Variants in GMCL1 observed in about 807,000 individuals in gnomAD.
GMCL1 encodes the protein germ cell-less protein-like 1.
GMCL1 carries 54 observed loss-of-function variants against 75.5 expected under a neutral mutation model. The observed-to-expected ratio is 0.71, with a 90% CI of 0.57 to 0.90. The LOEUF (loss-of-function observed/expected upper bound fraction) is 0.90, where lower values mean the gene tolerates loss of function less well. Among genes scored for constraint, GMCL1 ranks in the 40% least tolerant of loss-of-function variants. The pLI is 0.00. For missense variants in GMCL1, 537 were observed against 622.7 expected (o/e 0.86, Z 1.47); for synonymous variants, 210 against 209.6 (o/e 1.00, Z -0.02).
At position 69,880,121 on chromosome 2, in the gene GMCL1, T is replaced by C. The variant is rs1383630441; in HGVS notation, c.*1117T>C. ...TGTTGACCTTTTGTGTTTATTACTGTTTTGAAAATAGCCATGTTCATTTTC... is the reference window on the plus strand; with the variant it reads ...TGTTGACCTTTTGTGTTTATTACTGCTTTGAAAATAGCCATGTTCATTTTC... On this transcript the variant is annotated 3_prime_UTR_variant, in exon 14 of 14. Transcript: ENST00000282570. 3 of 152,240 alleles carry C rather than the reference T, an allele frequency of 2.0e-5. No individual in the cohort carries two copies. The highest frequency in any genetic ancestry group is 7.2e-5 in the African/African-American group (3 of 41,470). 9.4% of individuals were successfully genotyped at this position (152,240 alleles called of 1,614,324 possible).
intron 1 of GMCL1, among the ~76,000 whole-genome samples, chr2:69,830,416 C>T (rs538066320): frequency 6.6e-6 from 1 of 152,316 alleles, no homozygotes; most frequent in South Asian, 2.1e-4. Flanking sequence ...AACGCCAAGC[C>T]CGAGCTCGCG....
intron 9 of GMCL1, among the ~76,000 whole-genome samples, chr2:69,855,322 G>A (rs1018782054): frequency 2.6e-5 from 4 of 151,348 alleles, no homozygotes; most frequent in African/African-American, 9.7e-5. Context: ...CCTTAAATTT[G>A]TTTATTTTGA....
intron 1 of GMCL1, among the ~76,000 whole-genome samples, chr2:69,837,073 T>G (rs1558536735): frequency 6.6e-6 from 1 of 152,326 alleles, no homozygotes; most frequent in East Asian, 1.9e-4. Context: ...AAAATAAGAT[T>G]AAATGTAAAT....
intron 9 of GMCL1, among the ~76,000 whole-genome samples, chr2:69,857,731 A>G (rs2104004210): frequency 6.6e-6 from 1 of 152,298 alleles, no homozygotes; most frequent in South Asian, 2.1e-4. Context: ...TACTATGTAA[A>G]TGTTTAGTCA....
chr2:69,838,865 G>A (rs12619656), intron 2 of GMCL1, among the ~76,000 whole-genome samples: 31,458 of 152,022 alleles, frequency 0.21, 3,421 homozygotes, highest in African/African-American at 0.25. Flanking sequence ...TTTGTTTATT[G>A]CTATATTCAC....
chr2:69,869,008 T>G (rs570227947), intron 11 of GMCL1, among the ~76,000 whole-genome samples: 44 of 150,676 alleles, frequency 2.9e-4, no homozygotes, highest in African/African-American at 1.1e-3. Flanking sequence ...GTCCCAGCAC[T>G]TTGGGAGGCC....
At chr2:69,857,557 G>A (rs1331723648) in intron 9 of GMCL1, among the ~76,000 whole-genome samples, 1 of 152,070 alleles carries the variant, frequency 6.6e-6, no homozygotes, top group African/African-American at 2.4e-5. Flanking sequence ...AAAATGAAAA[G>A]GTATGTAAAT....
chr2:69,843,680 T>G (rs1675049679), intron 5 of GMCL1, among the ~76,000 whole-genome samples: 1 of 152,180 alleles, frequency 6.6e-6, no homozygotes, highest in South Asian at 2.1e-4. Flanking sequence ...GTCCCCACTA[T>G]TCTGGAGGCT....
intron 9 of GMCL1, among the ~76,000 whole-genome samples, chr2:69,855,509 G>C (rs755325346): frequency 1.3e-5 from 2 of 151,912 alleles, no homozygotes; most frequent in African/African-American, 2.4e-5. Flanking sequence ...TAGAATTTCT[G>C]TTTGAACATT....
Position 69,880,031 on chromosome 2 carries a change from C to G in GMCL1, c.*1027C>G, listed in dbSNP as rs566701422. 2.6e-5 allele frequency: 4 copies of G among 152,198 alleles called. No individual in the cohort carries two copies. Among genetic ancestry groups the G allele is most frequent in the African/African-American group, 7.2e-5 (3 of 41,552 alleles). 9.4% of individuals were successfully genotyped at this position (152,198 alleles called of 1,614,324 possible). On this transcript the variant is annotated 3_prime_UTR_variant, in exon 14 of 14. Transcript: ENST00000282570. ...TGTAATATGGAGCCTGATGATGAAG[C>G]ATTAATGTAAAAATGGAACTTATTT...
At chr2:69,859,948 G>C (rs1055063076) in intron 9 of GMCL1, among the ~76,000 whole-genome samples, 9 of 151,966 alleles carry the variant, frequency 5.9e-5, no homozygotes, top group African/African-American at 2.2e-4. Flanking sequence ...ACCCATTCTA[G>C]TTGGGAATAA....
intron 1 of GMCL1, among the ~76,000 whole-genome samples, chr2:69,832,934 T>G (rs1674715748): frequency 6.6e-6 from 1 of 152,150 alleles, no homozygotes; most frequent in African/African-American, 2.4e-5. Context: ...TGAGGCAGAA[T>G]AGCCACAGAA....
chr2:69,865,896 A>G (rs1028767667), intron 11 of GMCL1, among the ~76,000 whole-genome samples: 1 of 152,088 alleles, frequency 6.6e-6, no homozygotes, highest in Non-Finnish European at 1.5e-5. Context: ...CAGCCTCCCA[A>G]ATAGCTGGGA....
Position 69,854,934 on chromosome 2 carries a change from T to A in GMCL1, c.1046T>A (p.Ile349Asn), listed in dbSNP as rs1255333022. 6.2e-7 allele frequency: 1 copy of A among 1,608,262 alleles called. No homozygotes were observed. The highest frequency in any genetic ancestry group is 1.7e-5 in the Admixed American group (1 of 59,352). The change falls in exon 9 of 14, where the codon ATT becomes AAT. Residue 349 changes from isoleucine to asparagine, a missense_variant. This residue lies in a region of GMCL1 where 345 missense variants were observed against 410.5 expected (regional missense o/e 0.84). Transcript: ENST00000282570. ...AGTGATCTGGCTTCTGCAAGAATTA[T>A]TGAACAAGATGCTGTAGTACCTTCA... is the stretch of plus-strand genomic sequence containing the variant. ...IISDLASARI[I>N]EQDAVVPSEW...
chr2:69,842,097 G>A (rs1339495902), intron 4 of GMCL1, among the ~76,000 whole-genome samples: 1 of 152,176 alleles, frequency 6.6e-6, no homozygotes, highest in Admixed American at 6.5e-5. Flanking sequence ...GGAAAGATGA[G>A]TACAGCATTA....
At chr2:69,836,379 C>G (rs961791059) in intron 1 of GMCL1, among the ~76,000 whole-genome samples, 1 of 152,190 alleles carries the variant, frequency 6.6e-6, no homozygotes, top group Non-Finnish European at 1.5e-5. Flanking sequence ...GGGAAGCCAA[C>G]ATGTGTACAT....
intron 10 of GMCL1, among the ~76,000 whole-genome samples, chr2:69,863,363 C>T (rs983321911): frequency 6.6e-6 from 1 of 152,182 alleles, no homozygotes; most frequent in Non-Finnish European, 1.5e-5. Context: ...AGCATCTGCT[C>T]ACTGCTGCAG....
intron 3 of GMCL1, among the ~76,000 whole-genome samples, chr2:69,840,409 C>CAA (rs1209858265): frequency 1.6e-5 from 2 of 124,952 alleles, no homozygotes; most frequent in African/African-American, 5.9e-5. Flanking sequence ...GACTCCATCT[C>CAA]AAAAAAAAAA....
chr2:69,872,954 G>T (rs1676023999), intron 13 of GMCL1, among the ~76,000 whole-genome samples: 1 of 152,200 alleles, frequency 6.6e-6, no homozygotes, highest in South Asian at 2.1e-4. Context: ...CCCACCATGT[G>T]CTTGGTTCTC....
Sources: gnomAD v4.1 joint callset for allele counts (sites outside exome capture counted in the v4.1 genomes callset) on GRCh38, gnomAD v4.1.1 for gene constraint, gnomAD v4.1.1 regional missense constraint, MANE v1.5 for transcripts, NCBI Gene and HGNC (gene_info 2026-07-23, HGNC 2026-07-21) for gene names.